Variants in FOCAD observed in about 807,000 individuals in gnomAD.
FOCAD encodes the protein KIAA1797.
A neutral mutation model predicts 225.6 loss-of-function variants in FOCAD; 198 were observed. The observed-to-expected ratio is 0.88, with a 90% CI of 0.78 to 0.99. FOCAD has a LOEUF of 0.99. FOCAD is among the 50% of genes least tolerant of loss of function. The pLI is 0.00. For missense variants in FOCAD, 2,713 were observed against 2,123.6 expected (o/e 1.28, Z -5.46); for synonymous variants, 897 against 755.0 (o/e 1.19, Z -3.08).
chr9:20,716,869 C>T (rs1364330799), intron 2 of FOCAD, among the ~76,000 whole-genome samples: 2 of 152,112 alleles, frequency 1.3e-5, no homozygotes, highest in Admixed American at 6.6e-5. Context: ...GACTATAAAA[C>T]CAAAATTCCG....
Position 20,976,470 on chromosome 9 carries a change from G to A in FOCAD, c.4183G>A (p.Ala1395Thr). 6.2e-7 allele frequency: 1 copy of A among 1,613,226 alleles called. No individual in the cohort carries two copies. The highest frequency in any genetic ancestry group is 8.5e-7 in the Non-Finnish European group (1 of 1,179,322). ...SLLKVVMKPI[A>T]TVGESYQYPP... ...TCTTAAAGTAGTGATGAAACCCATA[G>A]CAACTGTTGGAGAAAGCTACCAATA... is the stretch of plus-strand genomic sequence containing the variant. Residue 1395 changes from alanine to threonine, a missense_variant, in exon 36 of 44, where the codon GCA (alanine) becomes ACA (threonine). By Grantham distance (58) the Ala-to-Thr change is moderately conservative (BLOSUM62 0). Coordinates refer to ENST00000338382, the MANE Select transcript of FOCAD (RefSeq NM_001375567.1).
At chr9:20,833,574 G>A (rs1210238646) in intron 15 of FOCAD, among the ~76,000 whole-genome samples, 2 of 152,026 alleles carry the variant, frequency 1.3e-5, no homozygotes, top group African/African-American at 2.4e-5. Context: ...CTTTAGATGA[G>A]TGTGCTTTCT....
At chr9:20,898,934 A>G (rs958245241) in intron 21 of FOCAD, among the ~76,000 whole-genome samples, 3 of 151,846 alleles carry the variant, frequency 2.0e-5, no homozygotes, top group African/African-American at 7.2e-5. Flanking sequence ...AACTTTCACA[A>G]GTGTTTCTCA....
rs202239031 is a variant in FOCAD, at chr9:20,939,701, AT to A, written c.3408-4917del. 4.2e-3 allele frequency among the ~76,000 whole-genome samples: 579 copies of A among 139,088 alleles called. 4 individuals carry two copies. The highest frequency in any genetic ancestry group is 8.6e-3 in the African/African-American group (327 of 37,950). The allele number at this position is 139,088 out of a possible 152,430, so 91.2% of individuals were successfully genotyped here. ...GTTGATTCTTACCTTCTTTTATTTT[AT>A]TTTTTTTTGTTTTTATTTTTTATTT... On this transcript the variant is annotated intron_variant, in intron 28 of 43. Transcript: ENST00000338382.
intron 35 of FOCAD, among the ~76,000 whole-genome samples, chr9:20,961,066 A>G (rs911121086): frequency 6.6e-6 from 1 of 151,920 alleles, no homozygotes; most frequent in African/African-American, 2.4e-5. Context: ...ATGTGCACAG[A>G]ATGGGAGAAA....
chr9:20,816,083 C>G (rs928643130), intron 11 of FOCAD, among the ~76,000 whole-genome samples: 16 of 151,890 alleles, frequency 1.1e-4, no homozygotes, highest in African/African-American at 3.9e-4. Context: ...TCTGAACTGG[C>G]CAGAGGAAAA....
intron 43 of FOCAD, among the ~76,000 whole-genome samples, chr9:20,993,545 T>C (rs1368861274): frequency 1.3e-5 from 2 of 152,222 alleles, no homozygotes; most frequent in Non-Finnish European, 2.9e-5. Context: ...ACACAAAGTT[T>C]ATTTATGTTT....
chr9:20,871,665 A>C (rs1052919773), intron 18 of FOCAD, among the ~76,000 whole-genome samples: 9 of 147,442 alleles, frequency 6.1e-5, no homozygotes, highest in Non-Finnish European at 6.0e-5. Context: ...AAAAAAAAAA[A>C]CCAAACACCG....
At chr9:20,727,743 A>T (rs893271108) in intron 4 of FOCAD, among the ~76,000 whole-genome samples, 3 of 152,196 alleles carry the variant, frequency 2.0e-5, no homozygotes, top group African/African-American at 4.8e-5. Flanking sequence ...CTGATGAATT[A>T]TCTTGTTCAG....
At chr9:20,739,119 A>G (rs545824310) in intron 4 of FOCAD, among the ~76,000 whole-genome samples, 48 of 152,228 alleles carry the variant, frequency 3.2e-4, no homozygotes, top group African/African-American at 1.1e-3. Flanking sequence ...AAAAAAATAC[A>G]CTCAGTAACA....
intron 28 of FOCAD, among the ~76,000 whole-genome samples, chr9:20,941,978 A>C (rs1836701269): frequency 6.6e-6 from 1 of 152,218 alleles, no homozygotes. Context: ...AACACATTAA[A>C]ATATAGAAGA....
At chr9:20,913,350 C>A (rs536086082) in intron 23 of FOCAD, among the ~76,000 whole-genome samples, 14 of 152,220 alleles carry the variant, frequency 9.2e-5, no homozygotes, top group African/African-American at 3.4e-4. Context: ...CTGCTCCCCT[C>A]TTCCCCAAGA....
At chr9:20,914,674 G>A (rs373871456) in intron 23 of FOCAD, among the ~76,000 whole-genome samples, 6 of 152,152 alleles carry the variant, frequency 3.9e-5, no homozygotes, top group South Asian at 4.1e-4. Flanking sequence ...GGACATGAGA[G>A]TAGAGAAGTT....
intron 18 of FOCAD, 174 bp from the exon 19 acceptor site, chr9:20,874,503 TTTAG>T (rs1222172546): frequency 4.0e-5 from 23 of 580,812 alleles, no homozygotes; most frequent in Middle Eastern, 9.3e-4. Context: ...GTCATGACCA[TTTAG>T]TTAATCTAAA....
chr9:20,805,483 A>C (rs1421876475), intron 11 of FOCAD, among the ~76,000 whole-genome samples: 1 of 152,186 alleles, frequency 6.6e-6, no homozygotes, highest in Non-Finnish European at 1.5e-5. Context: ...GGAAGAAACA[A>C]AGTGATCAGC....
intron 2 of FOCAD, among the ~76,000 whole-genome samples, chr9:20,673,062 C>T (rs2131283281): frequency 6.6e-6 from 1 of 152,228 alleles, no homozygotes; most frequent in South Asian, 2.1e-4. Context: ...TATGCAGTGG[C>T]AATGAATGTC....
chr9:20,874,274 C>T (rs947461591), intron 18 of FOCAD: 2 of 161,558 alleles, frequency 1.2e-5, no homozygotes, highest in Non-Finnish European at 2.7e-5. Flanking sequence ...ACTAGAATCA[C>T]AAATTTTTTA....
intron 21 of FOCAD, among the ~76,000 whole-genome samples, chr9:20,905,879 A>T (rs1434077604): frequency 6.6e-6 from 1 of 151,808 alleles, no homozygotes; most frequent in African/African-American, 2.4e-5. Flanking sequence ...TCCTGTCTTT[A>T]TAATTACTTT....
At chr9:20,728,185 A>C (rs1826368517) in intron 4 of FOCAD, among the ~76,000 whole-genome samples, 1 of 151,894 alleles carries the variant, frequency 6.6e-6, no homozygotes. Context: ...ATTGACCCAT[A>C]CTCCCTCTCA....
Sources: allele counts gnomAD v4.1 joint callset (sites outside exome capture counted in the v4.1 genomes callset), GRCh38; gene constraint gnomAD v4.1.1; transcripts MANE v1.5; gene names NCBI Gene and HGNC (gene_info 2026-07-23, HGNC 2026-07-21).